The following CADM1 variants were observed in gnomAD, a reference collection of about 807,000 sequenced individuals.
CADM1 encodes cell adhesion molecule 1.
Under a neutral mutation model 53.1 loss-of-function variants are expected in CADM1, and 15 were observed. The observed-to-expected ratio is 0.28, with a 90% CI of 0.19 to 0.44. CADM1 has a LOEUF of 0.44. Ranked by LOEUF, CADM1 falls within the 20% of genes least tolerant of loss-of-function variation. CADM1 has a pLI of 1.00. For synonymous variants in CADM1, 281 were observed against 243.0 expected, an observed-to-expected ratio of 1.16 and a Z score of -1.45; for missense variants, 434 against 611.3, an observed-to-expected ratio of 0.71 and a Z score of 3.06.
chr11:115,337,492 G>A (rs529399679), intron 1 of CADM1, among the ~76,000 whole-genome samples: 41 of 152,064 alleles, frequency 2.7e-4, no homozygotes, highest in Admixed American at 9.2e-4. Flanking sequence ...TCCTTTCTGT[G>A]TATTGAGATC....
At chr11:115,279,499 C>T (rs1263970682) in intron 1 of CADM1, among the ~76,000 whole-genome samples, 1 of 152,146 alleles carries the variant, frequency 6.6e-6, no homozygotes, top group Non-Finnish European at 1.5e-5. Context: ...ACAGTTAAAA[C>T]CCCAGGGATT....
Position 115,274,940 on chromosome 11 carries a change from A to C in CADM1, c.125-34520T>G, listed in dbSNP as rs1347589151. Among the ~76,000 whole-genome samples the C allele has an allele frequency of 3.9e-5, 6 of 152,130 alleles. No homozygotes were observed. In the East Asian group the frequency reaches 1.2e-3, roughly 29 times the overall value. On this transcript the variant is annotated intron_variant, in intron 1 of 11. Coordinates refer to ENST00000331581, the MANE Select transcript of CADM1 (RefSeq NM_001301043.2). ...AAGTCCCTTCCCACGAATTTGTCTC[A>C]AGGCCGTTTGCTGCCATGGTATTTT...
At chr11:115,467,645 A>G (rs1591275409) in intron 1 of CADM1, among the ~76,000 whole-genome samples, 1 of 152,216 alleles carries the variant, frequency 6.6e-6, no homozygotes, top group African/African-American at 2.4e-5. Flanking sequence ...TGAGCATGGA[A>G]AAGAGAGAAG....
intron 1 of CADM1, among the ~76,000 whole-genome samples, chr11:115,245,988 C>T (rs1202229117): frequency 1.4e-4 from 22 of 152,130 alleles, no homozygotes; most frequent in South Asian, 2.1e-4. Context: ...GTTCAAGCCA[C>T]GAAAGCGTTT....
intron 1 of CADM1, among the ~76,000 whole-genome samples, chr11:115,337,545 G>A (rs1055216959): frequency 6.6e-6 from 1 of 151,994 alleles, no homozygotes; most frequent in South Asian, 2.1e-4. Flanking sequence ...CTTAGGGCAG[G>A]CATTCTGTTT....
rs906661337 is a variant in CADM1 at position 115,176,299 on chromosome 11, C to T, written c.*175G>A. On this transcript the variant is annotated 3_prime_UTR_variant, in exon 12 of 12. Coordinates refer to ENST00000331581, the MANE Select transcript of CADM1 (RefSeq NM_001301043.2). ...AAGAGGTGTCAAACAGCAGAGTGTA[C>T]TTTCCAAAGAACATTTTTTTTTTTT... 3 of 1,469,576 alleles carry T rather than the reference C, an allele frequency of 2.0e-6. No individual in the cohort carries two copies. Among genetic ancestry groups the T allele is most frequent in the Admixed American group, 2.3e-5 (1 of 43,608 alleles). 91.0% of individuals were successfully genotyped at this position (1,469,576 alleles called of 1,614,324 possible). A position where few individuals can be genotyped will look rare whatever the true frequency, so the allele number is the denominator to read the frequency against.
At chr11:115,415,957 A>C (rs142955313) in intron 1 of CADM1, among the ~76,000 whole-genome samples, 104 of 152,016 alleles carry the variant, frequency 6.8e-4, no homozygotes, top group African/African-American at 2.4e-3. Context: ...TATCTGCCTC[A>C]CTGTAGTTGG....
intron 1 of CADM1, among the ~76,000 whole-genome samples, chr11:115,408,223 G>C (rs1947367197): frequency 6.6e-6 from 1 of 152,162 alleles, no homozygotes; most frequent in Non-Finnish European, 1.5e-5. Flanking sequence ...AAATGAGAAT[G>C]GAATGACGTC....
chr11:115,218,111 A>C, intron 5 of CADM1, 120 bp from the exon 6 acceptor site: 1 of 710,834 alleles, frequency 1.4e-6, no homozygotes, highest in Non-Finnish European at 2.6e-6. Flanking sequence ...CGATGCCTTC[A>C]GTAACACCCT....
intron 1 of CADM1, among the ~76,000 whole-genome samples, chr11:115,325,327 A>T (rs1324526862): frequency 6.6e-6 from 1 of 152,098 alleles, no homozygotes; most frequent in African/African-American, 2.4e-5. Context: ...CAGGGCTTGG[A>T]CATCAGTCAT....
At chr11:115,388,553 C>T (rs1027782313) in intron 1 of CADM1, among the ~76,000 whole-genome samples, 2 of 138,656 alleles carry the variant, frequency 1.4e-5, no homozygotes, top group Non-Finnish European at 3.2e-5. Context: ...ATTACTATCA[C>T]CAACAAAGGG....
At chr11:115,269,949 G>A (rs575403679) in intron 1 of CADM1, among the ~76,000 whole-genome samples, 2 of 152,144 alleles carry the variant, frequency 1.3e-5, no homozygotes, top group East Asian at 1.9e-4. Context: ...TTTGTCAAGC[G>A]GTTATTTACT....
At chr11:115,239,799 T>A (rs1006966603) in intron 2 of CADM1, among the ~76,000 whole-genome samples, 1 of 152,114 alleles carries the variant, frequency 6.6e-6, no homozygotes, top group African/African-American at 2.4e-5. Flanking sequence ...ACAAGTCCAT[T>A]GCAATTTTGT....
intron 7 of CADM1, among the ~76,000 whole-genome samples, chr11:115,214,185 C>T (rs1470607465): frequency 6.6e-6 from 1 of 152,192 alleles, no homozygotes; most frequent in East Asian, 1.9e-4. Context: ...GAATTAATAG[C>T]TTCATGCTGA....
At chr11:115,442,056 G>A (rs1269237831) in intron 1 of CADM1, among the ~76,000 whole-genome samples, 1 of 151,866 alleles carries the variant, frequency 6.6e-6, no homozygotes, top group African/African-American at 2.4e-5. Flanking sequence ...CCAAGGAAAT[G>A]TAATATGGTA....
chr11:115,443,077 T>G (rs1296046498), intron 1 of CADM1, among the ~76,000 whole-genome samples: 1 of 152,244 alleles, frequency 6.6e-6, no homozygotes, highest in African/African-American at 2.4e-5. Flanking sequence ...CCTCTTTCAT[T>G]GAAAATTAAG....
intron 3 of CADM1, among the ~76,000 whole-genome samples, chr11:115,235,631 A>T (rs1295247519): frequency 1.3e-5 from 2 of 152,242 alleles, no homozygotes; most frequent in Non-Finnish European, 2.9e-5. Context: ...ATTTAACAAA[A>T]ATCAGCAATA....
rs890894439 is a variant in CADM1 at position 115,355,347 on chromosome 11, C to CT, written c.125-114928dup. 1.3e-4 allele frequency among the ~76,000 whole-genome samples: 20 copies of CT among 152,070 alleles called. 3 individuals carry two copies. The highest frequency in any genetic ancestry group is 1.2e-3 in the Admixed American group (19 of 15,244). The stretch of plus-strand genomic sequence containing the variant: ...GCTGGAGGCCATTATCCTTAGCAAA[C>CT]TAACACAGGAACAGAAAAACCAAAT... On this transcript the variant is annotated intron_variant, in intron 1 of 11. Coordinates refer to ENST00000331581, the MANE Select transcript of CADM1 (RefSeq NM_001301043.2).
intron 1 of CADM1, among the ~76,000 whole-genome samples, chr11:115,371,484 A>G (rs1412750760): frequency 2.0e-5 from 3 of 152,302 alleles, no homozygotes; most frequent in African/African-American, 7.2e-5. Flanking sequence ...TACTCAACAC[A>G]AAATAAGACA....
Sources: gnomAD v4.1 joint callset for allele counts (sites outside exome capture counted in the v4.1 genomes callset) on GRCh38, gnomAD v4.1.1 for gene constraint, MANE v1.5 for transcripts, NCBI Gene and HGNC (gene_info 2026-07-23, HGNC 2026-07-21) for gene names.